ATG10: variants seen among roughly 807,000 people sequenced by gnomAD.
ATG10 encodes autophagy related 10.
In ATG10, 30 loss-of-function variants were observed where a neutral mutation model predicts 32.1. The ratio of observed to expected loss-of-function variants is 0.94; its 90% CI spans 0.70 to 1.27. The LOEUF is 1.27. Ranked by LOEUF, ATG10 falls within the 50% of genes most tolerant of loss-of-function variation. The pLI is 0.00. For synonymous variants in ATG10, 87 were observed against 91.5 expected (o/e 0.95, Z 0.28); for missense variants, 233 against 262.3 (o/e 0.89, Z 0.77).
At chr5:82,178,792 G>A (rs1327278548) in intron 5 of ATG10, among the ~76,000 whole-genome samples, 2 of 151,778 alleles carry the variant, frequency 1.3e-5, no homozygotes, top group Non-Finnish European at 2.9e-5. Flanking sequence ...CTCTCAGAGT[G>A]CCCTATAATT....
Position 82,011,426 on chromosome 5 carries a change from A to C in ATG10, c.108+23748A>C, listed in dbSNP as rs190802905. Reference sequence around the variant, plus strand: ...TTGTCTCTAATCTTGCCCTCTGCCAACCTGCCTCTAAGCCTGCCAAGGTGA... The same window carrying C: ...TTGTCTCTAATCTTGCCCTCTGCCACCCTGCCTCTAAGCCTGCCAAGGTGA... On this transcript the variant is annotated intron_variant, in intron 2 of 7. Coordinates refer to ENST00000282185, the MANE Select transcript of ATG10 (RefSeq NM_031482.5). Among the ~76,000 whole-genome samples the C allele has an allele frequency of 1.4e-3, 219 of 152,238 alleles. 3 individuals are homozygous for C. Among genetic ancestry groups the C allele is most frequent in the Admixed American group, 0.013 (206 of 15,298 alleles).
intron 3 of ATG10, among the ~76,000 whole-genome samples, chr5:82,080,678 TG>T (rs1215190825): frequency 1.3e-5 from 2 of 152,214 alleles, no homozygotes; most frequent in Admixed American, 1.3e-4. Context: ...GTTGTAGATG[TG>T]TGGCATTATT....
chr5:82,003,550 G>T (rs1761908277), intron 2 of ATG10, among the ~76,000 whole-genome samples: 1 of 152,174 alleles, frequency 6.6e-6, no homozygotes, highest in East Asian at 1.9e-4. Context: ...ATTGGTCAAA[G>T]ATAAGACAAT....
chr5:82,244,088 A>G (rs1746920747), intron 5 of ATG10, among the ~76,000 whole-genome samples: 2 of 152,160 alleles, frequency 1.3e-5, no homozygotes, highest in African/African-American at 2.4e-5. Context: ...ATGTGTGTAT[A>G]AAAAGGTCTG....
At chr5:82,030,484 G>T (rs184090540) in intron 2 of ATG10, among the ~76,000 whole-genome samples, 1 of 152,170 alleles carries the variant, frequency 6.6e-6, no homozygotes. Context: ...TTACTTGTCC[G>T]CTTCTCCATG....
chr5:81,993,364 T>TTCCTTCCTTCCTTCCTTCCTTC (rs1761537975), intron 2 of ATG10, among the ~76,000 whole-genome samples: 2 of 34,144 alleles, frequency 5.9e-5, no homozygotes, highest in Admixed American at 4.9e-4. Flanking sequence ...TCTTTCCTTC[T>TTCCTTCCTTCCTTCCTTCCTTC]TTTCTTTTCT....
chr5:82,049,909 A>G (rs1390422886), intron 2 of ATG10, among the ~76,000 whole-genome samples: 1 of 152,080 alleles, frequency 6.6e-6, no homozygotes, highest in Non-Finnish European at 1.5e-5. Context: ...TTTTTCTTTC[A>G]TGGATTGGGT....
chr5:81,984,001 C>G (rs962741842), intron 1 of ATG10, among the ~76,000 whole-genome samples: 1 of 152,082 alleles, frequency 6.6e-6, no homozygotes, highest in Admixed American at 6.6e-5. Flanking sequence ...CGGGCAGAGA[C>G]GCTCCTCACT....
intron 2 of ATG10, among the ~76,000 whole-genome samples, chr5:82,033,804 G>C (rs1183900079): frequency 6.7e-6 from 1 of 150,168 alleles, no homozygotes; most frequent in Non-Finnish European, 1.5e-5. Context: ...TATGTGTATA[G>C]ATACACATAT....
intron 1 of ATG10, among the ~76,000 whole-genome samples, chr5:81,972,833 G>A (rs1203631550): frequency 1.3e-5 from 2 of 152,016 alleles, no homozygotes; most frequent in African/African-American, 4.8e-5. Flanking sequence ...TAAAGGAATA[G>A]TTGACTGATT....
At chr5:82,033,793 ATATG>A (rs1762814409) in intron 2 of ATG10, among the ~76,000 whole-genome samples, 1 of 151,526 alleles carries the variant, frequency 6.6e-6, no homozygotes, top group Non-Finnish European at 1.5e-5. Flanking sequence ...TGTTTGTACT[ATATG>A]TGTATAGATA....
At chr5:82,008,777 GACTC>G (rs1234677368) in intron 2 of ATG10, among the ~76,000 whole-genome samples, 1 of 152,142 alleles carries the variant, frequency 6.6e-6, no homozygotes, top group Non-Finnish European at 1.5e-5. Flanking sequence ...CCCAAAAACA[GACTC>G]ACATTAAACA....
intron 2 of ATG10, among the ~76,000 whole-genome samples, chr5:82,012,465 A>G (rs889371505): frequency 6.6e-6 from 1 of 152,134 alleles, no homozygotes; most frequent in Non-Finnish European, 1.5e-5. Flanking sequence ...TAATAACTAC[A>G]TATTTTTTTA....
chr5:82,114,819 T>C (rs1409363266), intron 3 of ATG10, among the ~76,000 whole-genome samples: 2 of 152,088 alleles, frequency 1.3e-5, no homozygotes, highest in Admixed American at 1.3e-4. Context: ...TAAGACAGCA[T>C]TAGCCAATAG....
At chr5:82,108,190 CT>C (rs1765498722) in intron 3 of ATG10, among the ~76,000 whole-genome samples, 1 of 151,970 alleles carries the variant, frequency 6.6e-6, no homozygotes, top group Non-Finnish European at 1.5e-5. Flanking sequence ...AGTGTGAAAG[CT>C]TGCCTGGAGA....
intron 2 of ATG10, among the ~76,000 whole-genome samples, chr5:81,994,266 G>A (rs1180225527): frequency 6.6e-6 from 1 of 152,058 alleles, no homozygotes; most frequent in Non-Finnish European, 1.5e-5. Flanking sequence ...CCCGCATTGT[G>A]GCTTCCTGCT....
intron 3 of ATG10, among the ~76,000 whole-genome samples, chr5:82,138,841 C>A (rs1581730203): frequency 3.0e-3 from 2 of 666 alleles, no homozygotes; most frequent in Non-Finnish European, 9.2e-3. Context: ...GTCGAGCTCT[C>A]CCTCCCCCTC....
chr5:82,243,901 T>C (rs1746908831), intron 5 of ATG10, among the ~76,000 whole-genome samples: 1 of 151,764 alleles, frequency 6.6e-6, no homozygotes, highest in East Asian at 1.9e-4. Context: ...AAAAACAAAA[T>C]AAGCCCAAAC....
intron 2 of ATG10, among the ~76,000 whole-genome samples, chr5:82,033,470 TG>T (rs1235466778): frequency 1.3e-5 from 2 of 152,026 alleles, no homozygotes; most frequent in African/African-American, 4.8e-5. Flanking sequence ...CCTGAGTAGC[TG>T]GGATTACAGG....
Sources: gnomAD v4.1 joint callset for allele counts (sites outside exome capture counted in the v4.1 genomes callset) on GRCh38, gnomAD v4.1.1 for gene constraint, MANE v1.5 for transcripts, NCBI Gene and HGNC (gene_info 2026-07-23, HGNC 2026-07-21) for gene names.